CAMK1D: variants seen among roughly 807,000 people sequenced by gnomAD.
The protein encoded by CAMK1D is calcium/calmodulin-dependent protein kinase type 1D.
A neutral mutation model predicts 47.7 loss-of-function variants in CAMK1D; 9 were observed. The observed-to-expected ratio is 0.19, with a 90% CI of 0.11 to 0.33. The LOEUF is 0.33. Among genes scored for constraint, CAMK1D ranks in the 10% least tolerant of loss-of-function variants. The probability of loss-of-function intolerance (pLI) is 1.00; values close to 1 mark genes in which losing one functional copy is unlikely to be tolerated. For missense variants in CAMK1D, 291 were observed against 488.7 expected (o/e 0.60, Z 3.81); for synonymous variants, 184 against 184.9 (o/e 0.99, Z 0.04).
intron 1 of CAMK1D, among the ~76,000 whole-genome samples, chr10:12,531,361 C>G (rs1231193899): frequency 6.6e-6 from 1 of 152,210 alleles, no homozygotes; most frequent in Non-Finnish European, 1.5e-5. Flanking sequence ...CCCCCTTCTG[C>G]CCTGTCCTGA....
chr10:12,465,832 A>G (rs372984841), intron 1 of CAMK1D, among the ~76,000 whole-genome samples: 10 of 152,214 alleles, frequency 6.6e-5, no homozygotes, highest in African/African-American at 2.4e-4. Flanking sequence ...CTCTTGAGTC[A>G]TGAGCTGGAC....
chr10:12,804,771 CAAAA>C (rs569089576), intron 6 of CAMK1D, among the ~76,000 whole-genome samples: 1 of 126,268 alleles, frequency 7.9e-6, no homozygotes. Flanking sequence ...CTGTCTGTAC[CAAAA>C]AAAAAAAAAA....
At chr10:12,809,303 G>A (rs533810842) in intron 6 of CAMK1D, among the ~76,000 whole-genome samples, 38 of 152,266 alleles carry the variant, frequency 2.5e-4, no homozygotes, top group African/African-American at 8.9e-4. Flanking sequence ...AAAAGGCAAG[G>A]GCTGGGGAGG....
intron 3 of CAMK1D, among the ~76,000 whole-genome samples, chr10:12,687,860 T>A (rs1832723665): frequency 1.3e-5 from 2 of 152,196 alleles, no homozygotes; most frequent in Non-Finnish European, 2.9e-5. Context: ...CCAATATACC[T>A]CCTGTTCCTT....
At chr10:12,368,065 G>A (rs916256894) in intron 1 of CAMK1D, among the ~76,000 whole-genome samples, 2 of 152,162 alleles carry the variant, frequency 1.3e-5, no homozygotes, top group East Asian at 1.9e-4. Flanking sequence ...GGTGGCGGGC[G>A]CCTGTAGTCC....
intron 1 of CAMK1D, among the ~76,000 whole-genome samples, chr10:12,392,639 A>G (rs1320767274): frequency 1.3e-5 from 2 of 152,210 alleles, no homozygotes; most frequent in Non-Finnish European, 2.9e-5. Flanking sequence ...ATTACTTAAC[A>G]TACTTGTTTT....
chr10:12,435,523 C>T (rs1441523374), intron 1 of CAMK1D, among the ~76,000 whole-genome samples: 5 of 152,060 alleles, frequency 3.3e-5, no homozygotes, highest in African/African-American at 9.7e-5. Flanking sequence ...GTGACCTGCT[C>T]GTCCCCTCCA....
chr10:12,767,827 G>C (rs1053716670), intron 4 of CAMK1D, among the ~76,000 whole-genome samples: 1 of 152,206 alleles, frequency 6.6e-6, no homozygotes, highest in African/African-American at 2.4e-5. Flanking sequence ...AAGCAATCAG[G>C]TATGTATTTG....
chr10:12,645,208 C>G (rs1235147113), intron 2 of CAMK1D, among the ~76,000 whole-genome samples: 1 of 152,142 alleles, frequency 6.6e-6, no homozygotes, highest in Non-Finnish European at 1.5e-5. Context: ...AATCATTTAT[C>G]CCCTACTATT....
chr10:12,364,400 C>T (rs1409175350), intron 1 of CAMK1D, among the ~76,000 whole-genome samples: 2 of 151,848 alleles, frequency 1.3e-5, no homozygotes, highest in Non-Finnish European at 2.9e-5. Flanking sequence ...CACCACCACA[C>T]CTGGCTAATT....
At chr10:12,459,676 T>C (rs11257806) in intron 1 of CAMK1D, among the ~76,000 whole-genome samples, 2,523 of 152,322 alleles carry the variant, frequency 0.017, 57 homozygotes, top group South Asian at 0.086. Flanking sequence ...TTCCTTGTCT[T>C]TTTAGTGGCA....
chr10:12,365,508 G>A (rs61847393), intron 1 of CAMK1D, among the ~76,000 whole-genome samples: 27,171 of 151,732 alleles, frequency 0.18, 2,650 homozygotes, highest in East Asian at 0.36. Context: ...GCGCAATCTC[G>A]GCTCACTGCA....
At chr10:12,635,510 C>T (rs1588715578) in intron 2 of CAMK1D, among the ~76,000 whole-genome samples, 2 of 152,132 alleles carry the variant, frequency 1.3e-5, no homozygotes, top group Non-Finnish European at 2.9e-5. Context: ...TCAAAGAACT[C>T]TGGTCTGGGG....
intron 2 of CAMK1D, among the ~76,000 whole-genome samples, chr10:12,656,816 T>G (rs1253414072): frequency 6.6e-6 from 1 of 152,216 alleles, no homozygotes; most frequent in Non-Finnish European, 1.5e-5. Context: ...GATCTCTAAC[T>G]ATACAGTAAT....
At chr10:12,722,225 C>T (rs190085372) in intron 3 of CAMK1D, among the ~76,000 whole-genome samples, 14 of 152,002 alleles carry the variant, frequency 9.2e-5, no homozygotes, top group Admixed American at 8.5e-4. Flanking sequence ...GGGCGGATCA[C>T]GAAGTCTGGA....
chr10:12,688,797 G>C (rs545491682), intron 3 of CAMK1D, among the ~76,000 whole-genome samples: 5 of 152,186 alleles, frequency 3.3e-5, no homozygotes, highest in African/African-American at 1.2e-4. Flanking sequence ...AGATTCTCCT[G>C]CCTTACCCCC....
At chr10:12,698,232 A>G (rs2130709161) in intron 3 of CAMK1D, among the ~76,000 whole-genome samples, 1 of 152,348 alleles carries the variant, frequency 6.6e-6, no homozygotes, top group Non-Finnish European at 1.5e-5. Context: ...ATAGTTGTTC[A>G]TGAAATTTAA....
chr10:12,657,289 G>A (rs1187768947), intron 2 of CAMK1D, among the ~76,000 whole-genome samples: 1 of 152,122 alleles, frequency 6.6e-6, no homozygotes, highest in Non-Finnish European at 1.5e-5. Context: ...GCTGAGTGTG[G>A]TGGCGCATGC....
chr10:12,429,092 A>G (rs1490395612), intron 1 of CAMK1D, among the ~76,000 whole-genome samples: 1 of 151,930 alleles, frequency 6.6e-6, no homozygotes, highest in Non-Finnish European at 1.5e-5. Flanking sequence ...GCCTCTGCCC[A>G]CCCACTGCCA....
Sources: gnomAD v4.1 joint callset for allele counts (sites outside exome capture counted in the v4.1 genomes callset) on GRCh38, gnomAD v4.1.1 for gene constraint, MANE v1.5 for transcripts, NCBI Gene and HGNC (gene_info 2026-07-23, HGNC 2026-07-21) for gene names.